ASB18: variants seen among roughly 807,000 people sequenced by gnomAD.
ASB18 encodes the protein ankyrin repeat and SOCS box containing 18, also known as ankyrin repeat and SOCS box protein 18.
A neutral mutation model predicts 33.4 loss-of-function variants in ASB18; 33 were observed. That is an observed-to-expected ratio of 0.99 (90% CI 0.75 to 1.32). ASB18 has a LOEUF of 1.32. ASB18 is among the 40% of genes most tolerant of loss of function. The pLI, the probability that ASB18 is intolerant of heterozygous loss-of-function variation, is 0.00. For missense variants in ASB18, 694 were observed against 655.5 expected, an observed-to-expected ratio of 1.06 and a Z score of -0.64; for synonymous variants, 295 against 307.6, an observed-to-expected ratio of 0.96 and a Z score of 0.43.
Position 236,241,418 on chromosome 2 carries a change from T to C in ASB18, c.206-16A>G. 3 of 1,613,914 alleles carry C rather than the reference T, an allele frequency of 1.9e-6. No homozygotes were observed. The highest frequency in any genetic ancestry group is 8.5e-7 in the Non-Finnish European group (1 of 1,179,838). ...TCGAGGTCCCCTGCGACCAGGGCAGTGTGGTACTCCTGCACCGGGGACCCT... is the reference window on the plus strand; with the variant it reads ...TCGAGGTCCCCTGCGACCAGGGCAGCGTGGTACTCCTGCACCGGGGACCCT... On this transcript the variant is annotated splice_polypyrimidine_tract_variant and intron_variant, in intron 1 of 5. Transcript: ENST00000409749. This position sits in a 1 kb window ranked among gnomAD's most constrained non-coding sequence, Gnocchi z 4.2.
At chr2:236,236,617 C>A (rs1027242832) in intron 3 of ASB18, among the ~76,000 whole-genome samples, 12 of 144,156 alleles carry the variant, frequency 8.3e-5, no homozygotes, top group Non-Finnish European at 1.9e-4. Flanking sequence ...GTCCACGTGG[C>A]CCCCTGATCC....
Position 236,220,423 on chromosome 2 carries a change from C to A in ASB18, c.597-5557G>T, listed in dbSNP as rs1422121647. On this transcript the variant is annotated intron_variant, in intron 3 of 5. Coordinates refer to ENST00000409749, the MANE Select transcript of ASB18 (RefSeq NM_212556.4). The surrounding 1 kb of genome is among the most constrained non-coding windows in gnomAD (Gnocchi z 5.1). ...CAGATACCTCTTCTCTCAGCCAGAG[C>A]CTGTCCAGGCTTCCACTCTCTCGTC... Among the ~76,000 whole-genome samples the A allele has an allele frequency of 6.6e-6, 1 of 152,204 alleles. No homozygotes were observed. Among genetic ancestry groups the A allele is most frequent in the Non-Finnish European group, 1.5e-5 (1 of 68,040 alleles).
Position 236,264,054 on chromosome 2 carries a change from A to C in ASB18, c.205+87T>G. The C allele has an allele frequency of 8.6e-7, 1 of 1,161,998 alleles. No homozygotes were observed. The highest frequency in any genetic ancestry group is 1.3e-5 in the South Asian group (1 of 75,616). The allele number at this position is 1,161,998 out of a possible 1,614,324, so 72.0% of individuals were successfully genotyped here. A position where few individuals can be genotyped will look rare whatever the true frequency, so the allele number is the denominator to read the frequency against. On this transcript the variant is annotated intron_variant, in intron 1 of 5. Transcript: ENST00000409749. This position sits in a 1 kb window ranked among gnomAD's most constrained non-coding sequence, Gnocchi z 5.1. ...TACATATCATTTACTTTTTCCAAAC[A>C]TTTGCCCCTCTACCTCCAGGATCTG...
rs1386531764 is a variant in ASB18, at chr2:236,259,308, T to G, written c.205+4833A>C. On this transcript the variant is annotated intron_variant, in intron 1 of 5. Coordinates refer to ENST00000409749, the MANE Select transcript of ASB18 (RefSeq NM_212556.4). This position sits in a 1 kb window ranked among gnomAD's most constrained non-coding sequence, Gnocchi z 4.4. ...AGCTTAGCTCTTCCATGCCAATCAC[T>G]GCACCCAGAGTCCAAGCTTTCTCTC... Among the ~76,000 whole-genome samples, 1 of 152,206 alleles carries G rather than the reference T, an allele frequency of 6.6e-6. No individual in the cohort carries two copies. Among genetic ancestry groups the G allele is most frequent in the Non-Finnish European group, 1.5e-5 (1 of 68,046 alleles).
rs2060734597 is a variant in ASB18, at chr2:236,264,140, C to T, written c.205+1G>A. On this transcript the variant is annotated splice_donor_variant, in intron 1 of 5. Coordinates refer to ENST00000409749, the MANE Select transcript of ASB18 (RefSeq NM_212556.4). LOFTEE classifies it high-confidence loss of function. This position sits in a 1 kb window ranked among gnomAD's most constrained non-coding sequence, Gnocchi z 5.1. ...AGATGCAGCAGGCTCGTTCTGGTTA[C>T]CTAGCAGCATGCCGGTGGGCAGCTG... 2 of 1,613,472 alleles carry T rather than the reference C, an allele frequency of 1.2e-6. No homozygotes were observed. The highest frequency in any genetic ancestry group is 2.7e-5 in the African/African-American group (2 of 74,930).
intron 3 of ASB18, among the ~76,000 whole-genome samples, chr2:236,230,457 A>C (rs1299180311): frequency 1.3e-5 from 2 of 151,456 alleles, no homozygotes; most frequent in African/African-American, 2.4e-5. Flanking sequence ...AGTAAACATA[A>C]ACACTTGTTT....
intron 4 of ASB18, among the ~76,000 whole-genome samples, chr2:236,206,165 A>G (rs1375521609): frequency 2.0e-5 from 3 of 146,518 alleles, no homozygotes. Context: ...CTTTATTACC[A>G]TCACTTTCTC....
chr2:236,250,904 A>G lies in ASB18; in HGVS notation c.206-9502T>C, dbSNP rs1385222598. ...CCTCTCTGAATAACAATGTTAGCAC[A>G]GCACACCTCATTTAACAAAACATTA... On this transcript the variant is annotated intron_variant, in intron 1 of 5. Coordinates refer to ENST00000409749, the MANE Select transcript of ASB18 (RefSeq NM_212556.4). The surrounding 1 kb of genome is among the most constrained non-coding windows in gnomAD (Gnocchi z 4.1). 6.6e-6 allele frequency among the ~76,000 whole-genome samples: 1 copy of G among 152,268 alleles called. No individual in the cohort carries two copies. Among genetic ancestry groups the G allele is most frequent in the Admixed American group, 6.5e-5 (1 of 15,286 alleles).
Position 236,200,484 on chromosome 2 carries a change from T to C in ASB18, c.1102-4099A>G, listed in dbSNP as rs1278991176. Among the ~76,000 whole-genome samples, 1 of 152,204 alleles carries C rather than the reference T, an allele frequency of 6.6e-6. No homozygotes were observed. Among genetic ancestry groups the C allele is most frequent in the Non-Finnish European group, 1.5e-5 (1 of 68,040 alleles). ...CAATGTGGGGTCGTGGCAGAGGTAT[T>C]ACCACCCTGGGCTGAAGGGCCAGTC... On this transcript the variant is annotated intron_variant, in intron 4 of 5. Transcript: ENST00000409749. The surrounding 1 kb of genome is among the most constrained non-coding windows in gnomAD (Gnocchi z 4.2).
chr2:236,216,974 C>T lies in ASB18; in HGVS notation c.597-2108G>A, dbSNP rs986783450. 1.2e-4 allele frequency among the ~76,000 whole-genome samples: 19 copies of T among 152,258 alleles called. No individual in the cohort carries two copies. The highest frequency in any genetic ancestry group is 2.9e-4 in the African/African-American group (12 of 41,564). ...TCTGCTTGCTCCTTCCAGGTTGCCC[C>T]GCTGCACGTGATGGCCCACACAGTC... On this transcript the variant is annotated intron_variant, in intron 3 of 5. Coordinates refer to ENST00000409749, the MANE Select transcript of ASB18 (RefSeq NM_212556.4). This position sits in a 1 kb window ranked among gnomAD's most constrained non-coding sequence, Gnocchi z 6.1.
At position 236,219,163 on chromosome 2, in the gene ASB18, A is replaced by C. The variant is rs1361297840; in HGVS notation, c.597-4297T>G. Among the ~76,000 whole-genome samples the C allele has an allele frequency of 2.0e-5, 3 of 152,166 alleles. No homozygotes were observed. The highest frequency in any genetic ancestry group is 4.4e-5 in the Non-Finnish European group (3 of 68,042). On this transcript the variant is annotated intron_variant, in intron 3 of 5. Coordinates refer to ENST00000409749, the MANE Select transcript of ASB18 (RefSeq NM_212556.4). The surrounding 1 kb of genome is among the most constrained non-coding windows in gnomAD (Gnocchi z 6.4). ...AGTGTTGAGATTACAGGCATGAGCC[A>C]CCGTGCCCTGCCAAAAAACCTAGAA...
chr2:236,236,581 C>T (rs532502762), intron 3 of ASB18, among the ~76,000 whole-genome samples: 1 of 152,210 alleles, frequency 6.6e-6, no homozygotes, highest in African/African-American at 2.4e-5. Context: ...ACCTTGTTTC[C>T]TTCCTCTTTC....
rs2060480228 is a variant in ASB18, at chr2:236,214,883, C to A, written c.597-17G>T. The A allele has an allele frequency of 2.5e-6, 3 of 1,209,238 alleles. No individual in the cohort carries two copies. The highest frequency in any genetic ancestry group is 3.1e-6 in the Non-Finnish European group (3 of 973,256). 74.9% of individuals were successfully genotyped at this position (1,209,238 alleles called of 1,614,324 possible). ...TGCGCGCACCTGTGGGAAGCCAGGG[C>A]CTGTCACTCGGGCGCCACGCAGGAC... On this transcript the variant is annotated splice_polypyrimidine_tract_variant and intron_variant, in intron 3 of 5. Transcript: ENST00000409749. The surrounding 1 kb of genome is among the most constrained non-coding windows in gnomAD (Gnocchi z 6.5).
chr2:236,262,318 C>T lies in ASB18; in HGVS notation c.205+1823G>A, dbSNP rs1177612212. ...AGCTCAGGGCATGCTGAAGGCAGGCCGGGTTACAGGGGCTACAGGAGACCA... is the reference window on the plus strand; with the variant it reads ...AGCTCAGGGCATGCTGAAGGCAGGCTGGGTTACAGGGGCTACAGGAGACCA... On this transcript the variant is annotated intron_variant, in intron 1 of 5. Transcript: ENST00000409749. The surrounding 1 kb of genome is among the most constrained non-coding windows in gnomAD (Gnocchi z 5.2). Among the ~76,000 whole-genome samples the T allele has an allele frequency of 3.9e-5, 6 of 152,266 alleles. No individual in the cohort carries two copies. The highest frequency in any genetic ancestry group is 3.9e-4 in the East Asian group (2 of 5,174).
chr2:236,218,019 T>A (rs1038943409), intron 3 of ASB18, among the ~76,000 whole-genome samples: 2 of 152,208 alleles, frequency 1.3e-5, no homozygotes, highest in African/African-American at 4.8e-5. Context: ...AAAATTTTTT[T>A]AAGCAGCTCA....
chr2:236,211,146 C>T lies in ASB18; in HGVS notation c.1101+3216G>A, dbSNP rs901757659. Among the ~76,000 whole-genome samples the T allele has an allele frequency of 6.6e-6, 1 of 152,210 alleles. No homozygotes were observed. Among genetic ancestry groups the T allele is most frequent in the Admixed American group, 6.5e-5 (1 of 15,288 alleles). On this transcript the variant is annotated intron_variant, in intron 4 of 5. Transcript: ENST00000409749. This position sits in a 1 kb window ranked among gnomAD's most constrained non-coding sequence, Gnocchi z 5.0. ...CAGATGCCAAACAAGTTCAGGTCCA[C>T]GTCTGTGTGTGCTTCTCTGCCTTCC...
rs1012677113 is a variant in ASB18 at position 236,195,109 on chromosome 2, C to G, written c.1216-52G>C. ...AATCTGGGCACGTGGAACCAACATACGTTTTCTTCTTAGCCAGACCACTGA... is the reference window on the plus strand; with the variant it reads ...AATCTGGGCACGTGGAACCAACATAGGTTTTCTTCTTAGCCAGACCACTGA... On this transcript the variant is annotated intron_variant, in intron 5 of 5. Transcript: ENST00000409749. This position sits in a 1 kb window ranked among gnomAD's most constrained non-coding sequence, Gnocchi z 5.5. 1 of 1,531,578 alleles carries G rather than the reference C, an allele frequency of 6.5e-7. No individual in the cohort carries two copies. Among genetic ancestry groups the G allele is most frequent in the Non-Finnish European group, 8.9e-7 (1 of 1,124,766 alleles). 94.9% of individuals were successfully genotyped at this position (1,531,578 alleles called of 1,614,324 possible). A position where few individuals can be genotyped will look rare whatever the true frequency, so the allele number is the denominator to read the frequency against.
rs2060678041 is a variant in ASB18, at chr2:236,253,543, T to A, written c.205+10598A>T. Reference sequence around the variant, plus strand: ...AGCCACTTGCTGGTTAACTTATTATTATTATTATTATTATTATTATTGTGG... The same window carrying A: ...AGCCACTTGCTGGTTAACTTATTATAATTATTATTATTATTATTATTGTGG... On this transcript the variant is annotated intron_variant, in intron 1 of 5. Coordinates refer to ENST00000409749, the MANE Select transcript of ASB18 (RefSeq NM_212556.4). This position sits in a 1 kb window ranked among gnomAD's most constrained non-coding sequence, Gnocchi z 5.4. 6.6e-6 allele frequency among the ~76,000 whole-genome samples: 1 copy of A among 150,950 alleles called. No homozygotes were observed. The highest frequency in any genetic ancestry group is 2.1e-4 in the South Asian group (1 of 4,758).
In ASB18 at chr2:236,260,416, T is replaced by C. The variant is rs745651125; in HGVS notation, c.205+3725A>G. On this transcript the variant is annotated intron_variant, in intron 1 of 5. Coordinates refer to ENST00000409749, the MANE Select transcript of ASB18 (RefSeq NM_212556.4). The surrounding 1 kb of genome is among the most constrained non-coding windows in gnomAD (Gnocchi z 5.1). ...GACAGTGTCCATTCCCAATATGTGC[T>C]GCATTTCAAGGTCATTGCCATAAGT... is the stretch of plus-strand genomic sequence containing the variant. Among the ~76,000 whole-genome samples, 10 of 152,188 alleles carry C rather than the reference T, an allele frequency of 6.6e-5. No homozygotes were observed. The highest frequency in any genetic ancestry group is 1.3e-4 in the Admixed American group (2 of 15,286).
Sources: gnomAD v4.1 joint callset for allele counts (sites outside exome capture counted in the v4.1 genomes callset) on GRCh38, gnomAD v4.1.1 for gene constraint, Gnocchi (gnomAD v3.1) non-coding constraint, MANE v1.5 for transcripts, NCBI Gene and HGNC (gene_info 2026-07-23, HGNC 2026-07-21) for gene names.